The following ACACA variants were observed in gnomAD, a reference collection of about 807,000 sequenced individuals.
ACACA encodes acetyl-CoA carboxylase 1.
In ACACA, 103 loss-of-function variants were observed where a neutral mutation model predicts 296.1. That is an observed-to-expected ratio of 0.35 (90% confidence interval 0.30 to 0.41). The LOEUF (loss-of-function observed/expected upper bound fraction) is 0.41. ACACA is among the 10% of genes least tolerant of loss of function. The pLI is 1.00. For missense variants in ACACA, 1,554 were observed against 2,989.7 expected (o/e 0.52, Z 11.20); for synonymous variants, 953 against 1,038.6 (o/e 0.92, Z 1.58).
At chr17:37,323,371 A>T (rs2047444795) in intron 3 of ACACA, among the ~76,000 whole-genome samples, 2 of 152,216 alleles carry the variant, frequency 1.3e-5, no homozygotes, top group African/African-American at 4.8e-5. Flanking sequence ...AAGGCCAGAC[A>T]ATCACTTGAG....
At chr17:37,376,825 T>C (rs1020372022) in intron 1 of ACACA, among the ~76,000 whole-genome samples, 1 of 152,022 alleles carries the variant, frequency 6.6e-6, no homozygotes, top group Non-Finnish European at 1.5e-5. Flanking sequence ...CATGGTGGCA[T>C]GCACCTGTAA....
chr17:37,122,224 G>A (rs2074561521), intron 49 of ACACA, among the ~76,000 whole-genome samples: 1 of 152,150 alleles, frequency 6.6e-6, no homozygotes. Context: ...TCAGAGAATA[G>A]GGGACCAAAG....
At position 37,105,313 on chromosome 17, in the gene ACACA, T is replaced by C. The variant is rs570805188; in HGVS notation, c.6565+6218A>G. Among the ~76,000 whole-genome samples, 3 of 152,288 alleles carry C rather than the reference T, an allele frequency of 2.0e-5. No homozygotes were observed. The South Asian group carries it at 6.2e-4, about 32-fold the overall frequency. On this transcript the variant is annotated intron_variant, in intron 52 of 55. Transcript: ENST00000616317. ...TGATATTAAAGTGTTTTTAAAAACA[T>C]TCTCAACTTTTAAAAAAGTTATACT...
At chr17:37,273,154 T>C (rs190183423) in intron 9 of ACACA, among the ~76,000 whole-genome samples, 10 of 152,328 alleles carry the variant, frequency 6.6e-5, no homozygotes, top group Admixed American at 6.5e-4. Flanking sequence ...GATGTTTAAC[T>C]TAAAATGCAA....
chr17:37,094,572 A>ACCCCC (rs67691656), intron 54 of ACACA, among the ~76,000 whole-genome samples: 1 of 114,486 alleles, frequency 8.7e-6, no homozygotes. Flanking sequence ...TTGAAGAACC[A>ACCCCC]CCCCCCCCCC....
intron 3 of ACACA, among the ~76,000 whole-genome samples, chr17:37,316,610 G>A (rs1487338593): frequency 1.3e-5 from 2 of 152,102 alleles, no homozygotes; most frequent in African/African-American, 4.8e-5. Flanking sequence ...ATATAAATTA[G>A]TACTGCCACT....
At chr17:37,202,118 G>T (rs4795180) in intron 33 of ACACA, among the ~76,000 whole-genome samples, 18,928 of 151,998 alleles carry the variant, frequency 0.12, 1,800 homozygotes, top group East Asian at 0.45. Context: ...GGAAAGGAGG[G>T]GTTTCTCAGT....
At chr17:37,139,769 T>C (rs1487943679) in intron 45 of ACACA, among the ~76,000 whole-genome samples, 4 of 152,248 alleles carry the variant, frequency 2.6e-5, no homozygotes, top group African/African-American at 9.6e-5. Context: ...CTCTTGTTTC[T>C]TCTACTTATT....
intron 41 of ACACA, among the ~76,000 whole-genome samples, chr17:37,164,539 T>G (rs1182534622): frequency 6.6e-6 from 1 of 152,168 alleles, no homozygotes; most frequent in African/African-American, 2.4e-5. Context: ...AAGGTATTAC[T>G]CTATCTACTC....
At chr17:37,127,842 C>CA (rs748709541) in intron 47 of ACACA, among the ~76,000 whole-genome samples, 187 of 44,318 alleles carry the variant, frequency 4.2e-3, no homozygotes, top group East Asian at 0.016. Flanking sequence ...GACTCCGCCT[C>CA]AAAAAAAAAA....
chr17:37,376,581 TG>T (rs1247348754), intron 1 of ACACA, among the ~76,000 whole-genome samples: 2 of 152,210 alleles, frequency 1.3e-5, no homozygotes, highest in Non-Finnish European at 2.9e-5. Context: ...TTGGGTGGAA[TG>T]GCATCATTTG....
At chr17:37,271,011 T>C (rs1275069668) in intron 9 of ACACA, 150 bp from the exon 10 acceptor site, 15 of 668,650 alleles carry the variant, frequency 2.2e-5, no homozygotes, top group Non-Finnish European at 3.9e-5. Flanking sequence ...TATGAAAAAA[T>C]AAATAGTAGA....
intron 1 of ACACA, among the ~76,000 whole-genome samples, chr17:37,361,503 A>G (rs2049404204): frequency 1.3e-5 from 2 of 152,186 alleles, no homozygotes; most frequent in South Asian, 4.1e-4. Context: ...AGAACTGGCC[A>G]AAGAAAGTCC....
chr17:37,353,725 C>T (rs1209516141), intron 1 of ACACA, among the ~76,000 whole-genome samples: 1 of 147,954 alleles, frequency 6.8e-6, no homozygotes, highest in Non-Finnish European at 1.5e-5. Context: ...AAGGGGATAA[C>T]CAAATATTCA....
intron 1 of ACACA, among the ~76,000 whole-genome samples, chr17:37,357,466 C>A (rs1340225644): frequency 6.6e-6 from 1 of 152,186 alleles, no homozygotes; most frequent in Non-Finnish European, 1.5e-5. Flanking sequence ...GCACTCCAGT[C>A]TGGGTGACAG....
intron 3 of ACACA, among the ~76,000 whole-genome samples, chr17:37,302,809 A>G (rs1281549705): frequency 1.3e-5 from 2 of 152,194 alleles, no homozygotes; most frequent in Non-Finnish European, 2.9e-5. Context: ...TGATAAACTC[A>G]TTTAAAAATT....
At chr17:37,200,101 A>G in intron 35 of ACACA, 38 bp downstream of exon 35, 2 of 1,481,868 alleles carry the variant, frequency 1.3e-6, no homozygotes, top group Non-Finnish European at 1.9e-6. Context: ...GACAAATAAA[A>G]CAGTAAGTAA....
In ACACA at chr17:37,147,164, T is replaced by C. The variant is rs748483277; in HGVS notation, c.5679+2700A>G. On this transcript the variant is annotated intron_variant, in intron 45 of 55. Transcript: ENST00000616317. ...GGGTCAAATATTTACAGTCTAAGAC[T>C]GTATATAAGCTTGCATGTCTCCTAC... Among the ~76,000 whole-genome samples the C allele has an allele frequency of 7.9e-5, 12 of 152,254 alleles. 1 individual carries two copies. Among genetic ancestry groups the C allele is most frequent in the Admixed American group, 5.9e-4 (9 of 15,294 alleles).
At chr17:37,360,675 C>T (rs1395309424) in intron 1 of ACACA, among the ~76,000 whole-genome samples, 1 of 150,556 alleles carries the variant, frequency 6.6e-6, no homozygotes, top group African/African-American at 2.4e-5. Context: ...GACCCCATCT[C>T]TAAATAAATA....
Sources: allele counts gnomAD v4.1 joint callset (sites outside exome capture counted in the v4.1 genomes callset), GRCh38; gene constraint gnomAD v4.1.1; transcripts MANE v1.5; gene names NCBI Gene and HGNC (gene_info 2026-07-23, HGNC 2026-07-21).